HYDIN: variants seen among roughly 807,000 people sequenced by gnomAD.
The protein encoded by HYDIN is HYDIN axonemal central pair apparatus protein, also known as axonemal central pair apparatus protein HYDIN.
A neutral mutation model predicts 403.9 loss-of-function variants in HYDIN; 132 were observed. That is an observed-to-expected ratio of 0.33 (90% CI 0.28 to 0.38). The LOEUF (loss-of-function observed/expected upper bound fraction) is 0.38, where lower values mean the gene tolerates loss of function less well. HYDIN is among the 10% of genes least tolerant of loss of function. The pLI is 1.00. For missense variants in HYDIN, 2,827 were observed against 5,009.5 expected (o/e 0.56, Z 13.15); for synonymous variants, 1,202 against 1,891.7 (o/e 0.64, Z 9.46).
At chr16:70,985,115 C>G in intron 28 of HYDIN, 70 bp downstream of exon 28, 1 of 1,308,530 alleles carries the variant, frequency 7.6e-7, no homozygotes, top group Middle Eastern at 2.3e-4. Context: ...TAATCCTGGT[C>G]GTGAATACTC....
At chr16:70,994,222 C>T (rs1353257637) in intron 23 of HYDIN, among the ~76,000 whole-genome samples, 1 of 150,640 alleles carries the variant, frequency 6.6e-6, no homozygotes, top group Non-Finnish European at 1.5e-5. Context: ...TACATGCAGC[C>T]CAAGCTCAAC....
intron 18 of HYDIN, among the ~76,000 whole-genome samples, chr16:71,046,892 C>T (rs950700991): frequency 6.6e-6 from 1 of 152,038 alleles, no homozygotes; most frequent in East Asian, 1.9e-4. Flanking sequence ...TTGATAATGA[C>T]CATGACAGCC....
chr16:71,042,070 C>CA (rs2081302549), intron 18 of HYDIN, among the ~76,000 whole-genome samples: 1 of 150,356 alleles, frequency 6.7e-6, no homozygotes, highest in Non-Finnish European at 1.5e-5. Flanking sequence ...AGGATCCTTC[C>CA]AGATATACTT....
At position 70,921,665 on chromosome 16, in the gene HYDIN, A is replaced by G. The variant is rs201816002; in HGVS notation, c.7159-448T>C. 8.9e-4 allele frequency among the ~76,000 whole-genome samples: 135 copies of G among 152,280 alleles called. 1 individual carries two copies. The East Asian group carries it at 0.021, about 24-fold the overall frequency. ...CTCAGCCTCTCTCTGCCTCATCTGTATAACGGAGATAGCAACATTAATACC... is the reference window on the plus strand; with the variant it reads ...CTCAGCCTCTCTCTGCCTCATCTGTGTAACGGAGATAGCAACATTAATACC... On this transcript the variant is annotated intron_variant, in intron 45 of 85. Transcript: ENST00000393567.
chr16:71,000,207 T>A (rs1597504739), intron 23 of HYDIN, among the ~76,000 whole-genome samples: 1 of 152,160 alleles, frequency 6.6e-6, no homozygotes. Flanking sequence ...TAGGTTCAGA[T>A]ATGTACTGAT....
intron 40 of HYDIN, among the ~76,000 whole-genome samples, chr16:70,954,452 C>CAAAA (rs56235375): frequency 7.6e-5 from 5 of 65,780 alleles, no homozygotes; most frequent in Non-Finnish European, 1.2e-4. Context: ...TACCTTGTCT[C>CAAAA]AAAAAAAAAA....
chr16:71,185,026 A>G, intron 2 of HYDIN, 36 bp from the exon 3 acceptor site: 1 of 1,500,672 alleles, frequency 6.7e-7, no homozygotes, highest in Non-Finnish European at 9.1e-7. Flanking sequence ...AAGATTCTTA[A>G]GTGGATGTAC....
At chr16:70,921,702 A>G (rs2076999904) in intron 45 of HYDIN, among the ~76,000 whole-genome samples, 1 of 152,056 alleles carries the variant, frequency 6.6e-6, no homozygotes, top group East Asian at 1.9e-4. Flanking sequence ...ACTCCAGAGG[A>G]CTCCTGAAGA....
intron 15 of HYDIN, among the ~76,000 whole-genome samples, chr16:71,066,188 C>T (rs1195786695): frequency 1.3e-5 from 2 of 151,308 alleles, no homozygotes; most frequent in Non-Finnish European, 2.9e-5. Context: ...AATAAGCCTG[C>T]ATAGACAAGA....
chr16:71,073,616 G>A (rs2144318441), intron 13 of HYDIN, among the ~76,000 whole-genome samples: 1 of 152,106 alleles, frequency 6.6e-6, no homozygotes, highest in East Asian at 1.9e-4. Flanking sequence ...ATTATTCAAT[G>A]GCCGAGTTCA....
chr16:70,957,179 C>T (rs1315963397), intron 39 of HYDIN, among the ~76,000 whole-genome samples: 1 of 151,462 alleles, frequency 6.6e-6, no homozygotes, highest in Admixed American at 6.6e-5. Context: ...CATTCTGTTT[C>T]TCTTTCTAGC....
chr16:71,173,923 G>C (rs1016845135), intron 5 of HYDIN, among the ~76,000 whole-genome samples: 1 of 152,110 alleles, frequency 6.6e-6, no homozygotes, highest in Non-Finnish European at 1.5e-5. Flanking sequence ...AATCCAGCAT[G>C]CTTTGTATTT....
At chr16:70,995,724 G>A (rs2079511534) in intron 23 of HYDIN, among the ~76,000 whole-genome samples, 1 of 152,162 alleles carries the variant, frequency 6.6e-6, no homozygotes, top group Non-Finnish European at 1.5e-5. Flanking sequence ...AGTCTTGTGG[G>A]AAAAGGTGGC....
intron 1 of HYDIN, among the ~76,000 whole-genome samples, chr16:71,192,598 G>A (rs1382454494): frequency 6.6e-6 from 1 of 152,094 alleles, no homozygotes; most frequent in African/African-American, 2.4e-5. Flanking sequence ...CCCCATGGCA[G>A]CTAATTCCCA....
intron 1 of HYDIN, among the ~76,000 whole-genome samples, chr16:71,219,630 T>C (rs1026211922): frequency 3.9e-5 from 6 of 152,146 alleles, no homozygotes; most frequent in African/African-American, 1.4e-4. Flanking sequence ...AAGGGATAAA[T>C]ATGACCCTTT....
At chr16:71,198,284 C>A (rs1043697857) in intron 1 of HYDIN, among the ~76,000 whole-genome samples, 2 of 152,154 alleles carry the variant, frequency 1.3e-5, no homozygotes, top group African/African-American at 4.8e-5. Flanking sequence ...TGGGTTGTTT[C>A]CAACTTGAGG....
At chr16:70,872,836 A>C (rs2040219652) in intron 64 of HYDIN, among the ~76,000 whole-genome samples, 2 of 150,566 alleles carry the variant, frequency 1.3e-5, no homozygotes, top group African/African-American at 4.9e-5. Flanking sequence ...CCATATATCC[A>C]TCCATCATCC....
chr16:70,826,565 A>G (rs4985369), intron 83 of HYDIN, among the ~76,000 whole-genome samples: 16,685 of 151,362 alleles, frequency 0.11, 1,102 homozygotes, highest in African/African-American at 0.19. Context: ...CTTTTTTTAG[A>G]TGTTTCATGA....
At chr16:71,094,066 G>A in intron 10 of HYDIN, 131 bp from the exon 11 acceptor site, 1 of 618,314 alleles carries the variant, frequency 1.6e-6, no homozygotes. Flanking sequence ...CGAGGGAACT[G>A]CAATTTAACT....
Sources: allele counts gnomAD v4.1 joint callset (sites outside exome capture counted in the v4.1 genomes callset), GRCh38; gene constraint gnomAD v4.1.1; transcripts MANE v1.5; gene names NCBI Gene and HGNC (gene_info 2026-07-23, HGNC 2026-07-21).